Variants in DKK4 observed in about 807,000 individuals in gnomAD.
DKK4 encodes the protein dickkopf Wnt signaling pathway inhibitor 4.
In DKK4, 15 loss-of-function variants were observed where a neutral mutation model predicts 14.5. That is an observed-to-expected ratio of 1.03 (90% CI 0.69 to 1.59). The LOEUF (loss-of-function observed/expected upper bound fraction) is 1.59, where lower values mean the gene tolerates loss of function less well. Ranked by LOEUF, DKK4 falls within the 40% of genes most tolerant of loss-of-function variation. The probability of loss-of-function intolerance (pLI) is 0.00; values close to 1 mark genes in which losing one functional copy is unlikely to be tolerated. For synonymous variants in DKK4, 89 were observed against 105.2 expected, an observed-to-expected ratio of 0.85 and a Z score of 0.94; for missense variants, 272 against 280.3, an observed-to-expected ratio of 0.97 and a Z score of 0.21.
At chr8:42,387,754 C>T in the DKK4 span, among the ~76,000 whole-genome samples, 1 of 152,168 alleles carries the variant, frequency 6.6e-6, no homozygotes, top group Admixed American at 6.5e-5. Context: ...ATGGATCCTT[C>T]CTGCAGCAGC....
At chr8:42,390,155 A>G in the DKK4 span, among the ~76,000 whole-genome samples, 4 of 151,968 alleles carry the variant, frequency 2.6e-5, no homozygotes, top group East Asian at 3.9e-4. Flanking sequence ...CGGCCTCCCA[A>G]AGTGCTAGGA....
intron 1 of DKK4, 139 bp from the exon 2 acceptor site, chr8:42,375,969 T>C (rs1824554304): frequency 8.7e-7 from 1 of 1,152,698 alleles, no homozygotes; most frequent in Non-Finnish European, 1.2e-6. Context: ...TACTCTCCAG[T>C]GGAAATGGTT....
At chr8:42,380,017 C>T (rs1052536661), upstream of DKK4, among the ~76,000 whole-genome samples, 6 of 152,104 alleles carry the variant, frequency 3.9e-5, no homozygotes, top group African/African-American at 1.4e-4. Context: ...GCCTGAACAA[C>T]ATAGCAAGAC....
At chr8:42,388,908 T>G in the DKK4 span, among the ~76,000 whole-genome samples, 7 of 152,214 alleles carry the variant, frequency 4.6e-5, no homozygotes. Context: ...GATGAACATT[T>G]TCTATAAGCC....
chr8:42,376,922 C>G lies in DKK4; in HGVS notation c.111+13G>C, dbSNP rs769300457. On this transcript the variant is annotated intron_variant, in intron 1 of 3. Transcript: ENST00000220812. ...GCAGTCCCGTACCTCGCCCCCCTCC[C>G]TAGCAGCCTTACCTTCCGGGCCCCA... is the stretch of plus-strand genomic sequence containing the variant. 1.9e-6 allele frequency: 3 copies of G among 1,611,656 alleles called. No individual in the cohort carries two copies. The highest frequency in any genetic ancestry group is 1.7e-5 in the Admixed American group (1 of 59,988).
chr8:42,380,402 AAAAAGAAAG>A (rs1824650442), upstream of DKK4, among the ~76,000 whole-genome samples: 2 of 126,502 alleles, frequency 1.6e-5, no homozygotes, highest in Admixed American at 1.4e-4. Flanking sequence ...GAAGGAAGGA[AAAAAGAAAG>A]AAAAGAAAGA....
At chr8:42,381,928 C>T (rs1024481813), upstream of DKK4, among the ~76,000 whole-genome samples, 2 of 152,070 alleles carry the variant, frequency 1.3e-5, no homozygotes, top group Admixed American at 1.3e-4. Context: ...GCCCAGGAGG[C>T]AGAGGTTGCA....
chr8:42,376,970 T>C lies in DKK4; in HGVS notation c.76A>G (p.Ile26Val), dbSNP rs375875979. The C allele has an allele frequency of 2.5e-6, 4 of 1,613,686 alleles. No homozygotes were observed. In the African/African-American group the frequency reaches 4.0e-5, roughly 16 times the overall value. ...LGALVLDFNN[I>V]RSSADLHGAR... ...CCATGCAGGTCAGCAGAGCTCCTGATGTTGTTGAAGTCCAGGACCAGAGCT... is the reference window on the plus strand; with the variant it reads ...CCATGCAGGTCAGCAGAGCTCCTGACGTTGTTGAAGTCCAGGACCAGAGCT... The change falls in exon 1 of 4, where the codon ATC (isoleucine) becomes GTC (valine). Residue 26 changes from isoleucine (I) to valine (V), a missense_variant. Transcript: ENST00000220812.
chr8:42,389,024 C>G, the DKK4 span, among the ~76,000 whole-genome samples: 2 of 152,204 alleles, frequency 1.3e-5, no homozygotes, highest in Non-Finnish European at 1.5e-5. Flanking sequence ...CTCACAGCAG[C>G]CTTGACCTCC....
At chr8:42,390,554 G>C in the DKK4 span, among the ~76,000 whole-genome samples, 1 of 150,994 alleles carries the variant, frequency 6.6e-6, no homozygotes, top group Non-Finnish European at 1.5e-5. Flanking sequence ...TAGTAGAGGC[G>C]GGGTTTCACT....
At chr8:42,383,907 C>T in the DKK4 span, among the ~76,000 whole-genome samples, 1 of 152,184 alleles carries the variant, frequency 6.6e-6, no homozygotes, top group African/African-American at 2.4e-5. Context: ...CATGCCACTG[C>T]ACTCCAGCCT....
chr8:42,378,828 C>T (rs750478233), upstream of DKK4, among the ~76,000 whole-genome samples: 29 of 151,140 alleles, frequency 1.9e-4, no homozygotes, highest in African/African-American at 4.4e-4. Flanking sequence ...CTCCAATGGC[C>T]GGGCACAGTG....
In DKK4 at chr8:42,374,861, A is replaced by G; in HGVS notation, c.315T>C (p.Asp105=). Residue 105 remains aspartate, a synonymous_variant, in exon 3 of 4, where the codon GAT becomes GAC. Transcript: ENST00000220812. ...CTTCTGCATGTGTGCCATCTTGCTC[A>G]TCAAGCTGCCTTTCTAATATTGGGG... The part of the protein sequence containing the change: ...DATPILERQL[D]EQDGTHAEGT... The G allele has an allele frequency of 6.2e-7, 1 of 1,614,142 alleles. No homozygotes were observed. The highest frequency in any genetic ancestry group is 8.5e-7 in the Non-Finnish European group (1 of 1,180,020).
At chr8:42,378,506 C>T (rs1824602572), upstream of DKK4, among the ~76,000 whole-genome samples, 2 of 152,136 alleles carry the variant, frequency 1.3e-5, no homozygotes, top group Non-Finnish European at 2.9e-5. Context: ...ATCCCTTAAA[C>T]TGACATCAAA....
At chr8:42,387,978 C>T in the DKK4 span, among the ~76,000 whole-genome samples, 2 of 152,142 alleles carry the variant, frequency 1.3e-5, no homozygotes, top group Admixed American at 6.5e-5. Flanking sequence ...TAGCCTTGAC[C>T]TCCCATCCCA....
In DKK4 at chr8:42,374,131, A is replaced by G; in HGVS notation, c.644T>C (p.Leu215Ser). The G allele has an allele frequency of 6.2e-7, 1 of 1,612,540 alleles. No homozygotes were observed. The highest frequency in any genetic ancestry group is 8.5e-7 in the Non-Finnish European group (1 of 1,179,956). Residue 215 changes from leucine to serine, a missense_variant, in exon 4 of 4, where the codon TTA becomes TCA. Transcript: ENST00000220812. ...CTTTTCTATTTTTTGGCATACTCTT[A>G]ATCGAGCATGCTGCCGATTGCTGGT... Reference protein sequence around the residue: ...QLTSNRQHARLRVCQKIEKL With the variant: ...QLTSNRQHARSRVCQKIEKL
At chr8:42,374,540 C>T (rs534887221) in intron 3 of DKK4, among the ~76,000 whole-genome samples, 181 bp from the exon 4 acceptor site, 32 of 152,250 alleles carry the variant, frequency 2.1e-4, no homozygotes, top group Non-Finnish European at 2.9e-4. Flanking sequence ...GCGACTCCAC[C>T]CCTACCCATC....
the DKK4 span, among the ~76,000 whole-genome samples, chr8:42,389,619 G>T: frequency 2.0e-5 from 3 of 152,114 alleles, no homozygotes; most frequent in African/African-American, 7.2e-5. Flanking sequence ...GTGTACTGTG[G>T]AGTATCACAG....
the DKK4 span, among the ~76,000 whole-genome samples, chr8:42,382,913 C>T: frequency 2.0e-5 from 3 of 152,160 alleles, no homozygotes; most frequent in South Asian, 2.1e-4. Flanking sequence ...TGTCCTCCCG[C>T]GTGACAGCTG....
Sources: gnomAD v4.1 joint callset for allele counts (sites outside exome capture counted in the v4.1 genomes callset) on GRCh38, gnomAD v4.1.1 for gene constraint, MANE v1.5 for transcripts, NCBI Gene and HGNC (gene_info 2026-07-23, HGNC 2026-07-21) for gene names.